Variants in MYEF2 observed in about 807,000 individuals in gnomAD.
The protein encoded by MYEF2 is myelin gene expression factor 2.
Under a neutral mutation model 75.2 loss-of-function variants are expected in MYEF2, and 37 were observed. That is an observed-to-expected ratio of 0.49 (90% CI 0.38 to 0.65). The LOEUF (loss-of-function observed/expected upper bound fraction) is 0.65. MYEF2 is among the 30% of genes least tolerant of loss of function. The pLI is 0.00. For missense variants in MYEF2, 634 were observed against 771.4 expected, an observed-to-expected ratio of 0.82 and a Z score of 2.11; for synonymous variants, 195 against 241.6, an observed-to-expected ratio of 0.81 and a Z score of 1.79.
rs995986526 is a variant in MYEF2 at position 48,140,408 on chromosome 15, C to T, written c.*2500G>A. On this transcript the variant is annotated 3_prime_UTR_variant, in exon 17 of 17. Transcript: ENST00000324324. ...AGAGAAAGAAAAAAAAGACGCTAAA[C>T]CAAGTTTTCAATTACAACATTAAAG... 1 of 151,936 alleles carries T rather than the reference C, an allele frequency of 6.6e-6. No homozygotes were observed. Among genetic ancestry groups the T allele is most frequent in the Non-Finnish European group, 1.5e-5 (1 of 67,930 alleles). 9.4% of individuals were successfully genotyped at this position (151,936 alleles called of 1,614,324 possible). A position where few individuals can be genotyped will look rare whatever the true frequency, so the allele number is the denominator to read the frequency against.
intron 14 of MYEF2, among the ~76,000 whole-genome samples, chr15:48,150,529 A>C (rs761607902): frequency 6.6e-6 from 1 of 152,062 alleles, no homozygotes; most frequent in African/African-American, 2.4e-5. Flanking sequence ...GGCTTAATAT[A>C]AGGCCTAAAA....
chr15:48,147,981 G>T (rs2039352167), intron 16 of MYEF2, among the ~76,000 whole-genome samples: 1 of 151,896 alleles, frequency 6.6e-6, no homozygotes, highest in African/African-American at 2.4e-5. Context: ...GACAATTCTT[G>T]CCTTCAAGAG....
chr15:48,142,869 G>T lies in MYEF2; in HGVS notation c.*39C>A. ...AAAATGACTTTTACTAGGAGATTCA[G>T]CAAAACAGATGTAGGAATGTTCCAA... On this transcript the variant is annotated 3_prime_UTR_variant, in exon 17 of 17. Coordinates refer to ENST00000324324, the MANE Select transcript of MYEF2 (RefSeq NM_016132.5). The T allele has an allele frequency of 6.5e-7, 1 of 1,534,054 alleles. No individual in the cohort carries two copies. The highest frequency in any genetic ancestry group is 8.7e-7 in the Non-Finnish European group (1 of 1,144,142).
rs1674923239 is a variant in MYEF2 at position 48,151,590 on chromosome 15, A to C, written c.1208-19T>G. The stretch of plus-strand genomic sequence containing the variant: ...TACAGCTCTGAAAAAATTGTGCAAC[A>C]AATTAACCTTTTCAAATATATCAAT... On this transcript the variant is annotated intron_variant, in intron 12 of 16. Transcript: ENST00000324324. The C allele has an allele frequency of 1.3e-6, 2 of 1,585,016 alleles. No individual in the cohort carries two copies. Among genetic ancestry groups the C allele is most frequent in the Non-Finnish European group, 8.6e-7 (1 of 1,165,576 alleles).
At chr15:48,173,024 C>T (rs530299302) in intron 1 of MYEF2, among the ~76,000 whole-genome samples, 6 of 152,232 alleles carry the variant, frequency 3.9e-5, no homozygotes, top group South Asian at 2.1e-4. Context: ...CTGATAACAA[C>T]GCAAGACAAG....
At chr15:48,162,007 T>C (rs988626355) in intron 5 of MYEF2, among the ~76,000 whole-genome samples, 11 of 151,568 alleles carry the variant, frequency 7.3e-5, no homozygotes, top group African/African-American at 2.4e-4. Context: ...AAACCACCAA[T>C]AATTGGCTGA....
chr15:48,160,161 T>C (rs1452849516), intron 5 of MYEF2, among the ~76,000 whole-genome samples: 1 of 152,138 alleles, frequency 6.6e-6, no homozygotes, highest in Non-Finnish European at 1.5e-5. Flanking sequence ...GAATGGTCAT[T>C]TCTCACTATT....
chr15:48,158,699 C>G, intron 7 of MYEF2, 70 bp downstream of exon 7: 1 of 1,574,670 alleles, frequency 6.4e-7, no homozygotes, highest in South Asian at 1.1e-5. Context: ...TCAATTACCC[C>G]CCGCCAAAAC....
intron 1 of MYEF2, among the ~76,000 whole-genome samples, chr15:48,177,384 T>C (rs897016139): frequency 2.0e-5 from 3 of 151,406 alleles, no homozygotes; most frequent in Non-Finnish European, 2.9e-5. Flanking sequence ...AAGATAATCA[T>C]ACACTGAGTT....
In MYEF2 at chr15:48,158,064, C is replaced by G; in HGVS notation, c.922-8G>C. 6.2e-7 allele frequency: 1 copy of G among 1,612,868 alleles called. No homozygotes were observed. The highest frequency in any genetic ancestry group is 1.1e-5 in the South Asian group (1 of 91,036). On this transcript the variant is annotated splice_polypyrimidine_tract_variant and splice_region_variant and intron_variant, in intron 8 of 16. Coordinates refer to ENST00000324324, the MANE Select transcript of MYEF2 (RefSeq NM_016132.5). The stretch of plus-strand genomic sequence containing the variant: ...AGGAACAGACTTGTCATCCTAATTG[C>G]AAGAAAGTTTATAATATGGTTAACA...
chr15:48,151,303 G>A lies in MYEF2; in HGVS notation c.1307-132C>T, dbSNP rs560940965. The A allele has an allele frequency of 2.9e-5, 30 of 1,017,980 alleles. No individual in the cohort carries two copies. The African/African-American group carries it at 4.7e-4, about 16-fold the overall frequency. The allele number at this position is 1,017,980 out of a possible 1,614,324, so 63.1% of individuals were successfully genotyped here. On this transcript the variant is annotated intron_variant, in intron 13 of 16. Coordinates refer to ENST00000324324, the MANE Select transcript of MYEF2 (RefSeq NM_016132.5). ...TCTTCTGAAAATAGAGTTCAAATATGTAAGATGTTGAAAAAGAGAGCTAGC... is the reference window on the plus strand; with the variant it reads ...TCTTCTGAAAATAGAGTTCAAATATATAAGATGTTGAAAAAGAGAGCTAGC...
chr15:48,156,068 A>G (rs1033303631), intron 9 of MYEF2, among the ~76,000 whole-genome samples: 2 of 152,080 alleles, frequency 1.3e-5, no homozygotes, highest in African/African-American at 4.8e-5. Context: ...GTTAGCCACC[A>G]TGCCCGGCCC....
chr15:48,148,429 T>A (rs568261771), intron 16 of MYEF2, among the ~76,000 whole-genome samples: 3 of 152,002 alleles, frequency 2.0e-5, no homozygotes, highest in African/African-American at 7.2e-5. Flanking sequence ...GTTGTATAAG[T>A]AGTATCATTA....
intron 16 of MYEF2, among the ~76,000 whole-genome samples, chr15:48,144,735 G>A (rs980757460): frequency 1.3e-5 from 2 of 151,532 alleles, no homozygotes; most frequent in African/African-American, 4.8e-5. Flanking sequence ...CTTGAATGCT[G>A]GTACCTGAAA....
intron 1 of MYEF2, among the ~76,000 whole-genome samples, chr15:48,170,339 T>C (rs966056040): frequency 2.6e-5 from 4 of 152,064 alleles, no homozygotes; most frequent in African/African-American, 9.7e-5. Flanking sequence ...TTGGCCAGGC[T>C]GGTCTCAAAC....
intron 1 of MYEF2, among the ~76,000 whole-genome samples, chr15:48,177,512 T>C (rs775527966): frequency 2.5e-4 from 38 of 152,088 alleles, no homozygotes; most frequent in Non-Finnish European, 4.9e-4. Context: ...ACACAAAACA[T>C]AGAGTCTAAC....
At chr15:48,167,942 T>A (rs370496270) in intron 2 of MYEF2, among the ~76,000 whole-genome samples, 150 of 149,356 alleles carry the variant, frequency 1.0e-3, no homozygotes, top group Non-Finnish European at 1.5e-3. Flanking sequence ...CAATGCAATT[T>A]AAAAAAAAAA....
chr15:48,169,326 T>C (rs2040240869), intron 1 of MYEF2, among the ~76,000 whole-genome samples: 1 of 152,212 alleles, frequency 6.6e-6, no homozygotes, highest in Non-Finnish European at 1.5e-5. Flanking sequence ...CTCCCTTAAT[T>C]AGAAGCATAA....
At chr15:48,164,366 T>C (rs1278621556) in intron 5 of MYEF2, among the ~76,000 whole-genome samples, 1 of 152,166 alleles carries the variant, frequency 6.6e-6, no homozygotes, top group Non-Finnish European at 1.5e-5. Flanking sequence ...TAAATTGCTG[T>C]AAACTCATGA....
Sources: gnomAD v4.1 joint callset for allele counts (sites outside exome capture counted in the v4.1 genomes callset) on GRCh38, gnomAD v4.1.1 for gene constraint, MANE v1.5 for transcripts, NCBI Gene and HGNC (gene_info 2026-07-23, HGNC 2026-07-21) for gene names.